MAGI3: variants seen among roughly 807,000 people sequenced by gnomAD.
MAGI3 encodes the protein membrane associated guanylate kinase, WW and PDZ domain containing 3.
A neutral mutation model predicts 121.8 loss-of-function variants in MAGI3; 43 were observed. The ratio of observed to expected loss-of-function variants is 0.35; its 90% CI spans 0.28 to 0.46. The LOEUF (loss-of-function observed/expected upper bound fraction) is 0.46. MAGI3 is among the 20% of genes least tolerant of loss of function. MAGI3 has a pLI of 1.00. For synonymous variants in MAGI3, 553 were observed against 639.3 expected (o/e 0.86, Z 2.04); for missense variants, 1,547 against 1,797.3 (o/e 0.86, Z 2.52).
intron 16 of MAGI3, among the ~76,000 whole-genome samples, chr1:113,666,779 A>G (rs1324578458): frequency 1.3e-5 from 2 of 152,240 alleles, no homozygotes; most frequent in East Asian, 3.8e-4. Context: ...CTATAGACTT[A>G]CCAAATATAT....
At chr1:113,494,105 G>T (rs770841688) in intron 1 of MAGI3, among the ~76,000 whole-genome samples, 4 of 152,194 alleles carry the variant, frequency 2.6e-5, no homozygotes, top group African/African-American at 9.6e-5. Flanking sequence ...ACAATAGTTC[G>T]CAAAGACATG....
At chr1:113,635,847 A>T (rs1045783729) in intron 9 of MAGI3, among the ~76,000 whole-genome samples, 1 of 151,382 alleles carries the variant, frequency 6.6e-6, no homozygotes, top group East Asian at 1.9e-4. Context: ...CTGTGAATCC[A>T]TCTGGTCCTG....
At chr1:113,494,929 T>C (rs1656845201) in intron 1 of MAGI3, among the ~76,000 whole-genome samples, 1 of 152,176 alleles carries the variant, frequency 6.6e-6, no homozygotes, top group South Asian at 2.1e-4. Context: ...CAATTCCAGA[T>C]CTATGCTAAT....
At chr1:113,621,985 T>C (rs1650846419) in intron 8 of MAGI3, among the ~76,000 whole-genome samples, 2 of 152,250 alleles carry the variant, frequency 1.3e-5, no homozygotes, top group South Asian at 2.1e-4. Context: ...TGACTGCTAA[T>C]GGGCATGGGG....
In MAGI3 at chr1:113,450,348, G is replaced by A. The variant is rs1654416254; in HGVS notation, c.316+58999G>A. 9.8e-6 allele frequency: 13 copies of A among 1,330,612 alleles called. 1 individual carries two copies. The South Asian group carries it at 1.5e-4, about 16-fold the overall frequency. The allele number at this position is 1,330,612 out of a possible 1,614,324, so 82.4% of individuals were successfully genotyped here. A position where few individuals can be genotyped will look rare whatever the true frequency, so the allele number is the denominator to read the frequency against. On this transcript the variant is annotated intron_variant, in intron 1 of 20. Coordinates refer to ENST00000307546, the MANE Select transcript of MAGI3 (RefSeq NM_001142782.2). ...GAGGTGGTGGAGGAGCTATGGTGGTGGAGGTGGTGGCAGCAGAGGTAGTTA... is the reference window on the plus strand; with the variant it reads ...GAGGTGGTGGAGGAGCTATGGTGGTAGAGGTGGTGGCAGCAGAGGTAGTTA...
intron 1 of MAGI3, among the ~76,000 whole-genome samples, chr1:113,507,058 T>C (rs1180647653): frequency 2.6e-5 from 4 of 152,136 alleles, no homozygotes. Flanking sequence ...CTCTGGAGCT[T>C]CTAAGTACAT....
intron 6 of MAGI3, among the ~76,000 whole-genome samples, chr1:113,612,400 G>C (rs757529970): frequency 1.3e-5 from 2 of 152,070 alleles, no homozygotes; most frequent in Admixed American, 6.6e-5. Flanking sequence ...TTGAAGTCAA[G>C]AACTGGGTTA....
chr1:113,579,197 C>T (rs115490565), intron 2 of MAGI3, among the ~76,000 whole-genome samples: 1,665 of 152,148 alleles, frequency 0.011, 28 homozygotes, highest in African/African-American at 0.038. Flanking sequence ...TGAATCAAAT[C>T]GACATGGTTT....
At chr1:113,449,360 G>GGTGTGTGTGTGTGTGT (rs71087199) in intron 1 of MAGI3, among the ~76,000 whole-genome samples, 6,122 of 147,188 alleles carry the variant, frequency 0.042, 162 homozygotes, top group Middle Eastern at 0.071. Context: ...TTACTTTTAT[G>GGTGTGTGTGTGTGTGT]GTGTGTGTGT....
rs1557757046 is a variant in MAGI3 at position 113,437,860 on chromosome 1, CTTCCTCTTCTTCTT to C, written c.316+46512_316+46525del. Among the ~76,000 whole-genome samples, 307 of 46,802 alleles carry C rather than the reference CTTCCTCTTCTTCTT, an allele frequency of 6.6e-3. 18 individuals carry two copies. Among genetic ancestry groups the C allele is most frequent in the Middle Eastern group, 0.016 (2 of 128 alleles). The allele number at this position is 46,802 out of a possible 152,430, so 30.7% of individuals were successfully genotyped here. On this transcript the variant is annotated intron_variant, in intron 1 of 20. Transcript: ENST00000307546. ...TCTTCTTCTTCTTCTTCTTCTTCTT[CTTCCTCTTCTTCTT>C]CTTCTCCTTCTCCTTCTCCTTCTCC...
intron 2 of MAGI3, among the ~76,000 whole-genome samples, chr1:113,551,104 TTACTC>T (rs762253110): frequency 2.6e-5 from 4 of 152,302 alleles, no homozygotes; most frequent in East Asian, 1.9e-4. Flanking sequence ...TTCAAAATCT[TTACTC>T]TAGCATCTTA....
intron 1 of MAGI3, among the ~76,000 whole-genome samples, chr1:113,512,899 C>T (rs1657691451): frequency 6.6e-6 from 1 of 152,142 alleles, no homozygotes; most frequent in South Asian, 2.1e-4. Flanking sequence ...CCCAAAATCT[C>T]CTTAAGCTGA....
chr1:113,578,717 G>T (rs553133234), intron 2 of MAGI3, among the ~76,000 whole-genome samples: 46 of 151,182 alleles, frequency 3.0e-4, no homozygotes, highest in Admixed American at 2.8e-3. Context: ...ATGTAGTTTT[G>T]GTCAATAATG....
intron 16 of MAGI3, among the ~76,000 whole-genome samples, chr1:113,660,977 T>C (rs1445183250): frequency 6.6e-6 from 1 of 152,078 alleles, no homozygotes; most frequent in Non-Finnish European, 1.5e-5. Flanking sequence ...ATGTTAGTTC[T>C]GAGGGCTTCT....
At chr1:113,487,323 T>C (rs1005591070) in intron 1 of MAGI3, among the ~76,000 whole-genome samples, 1 of 152,234 alleles carries the variant, frequency 6.6e-6, no homozygotes, top group South Asian at 2.1e-4. Context: ...ATAAGCTTCA[T>C]TGGATTGTAA....
rs540437639 is a variant in MAGI3 at position 113,550,093 on chromosome 1, G to T, written c.433+462G>T. Among the ~76,000 whole-genome samples, 3 of 147,710 alleles carry T rather than the reference G, an allele frequency of 2.0e-5. No homozygotes were observed. The East Asian group carries it at 6.0e-4, about 29-fold the overall frequency. On this transcript the variant is annotated intron_variant, in intron 2 of 20. Transcript: ENST00000307546. ...ATCATGCCACTGCACTCCAGCCTGG[G>T]TGACAGAGCGATACTCTGTCTAAAA...
At chr1:113,483,529 A>T (rs1025813214) in intron 1 of MAGI3, among the ~76,000 whole-genome samples, 1 of 152,194 alleles carries the variant, frequency 6.6e-6, no homozygotes, top group Non-Finnish European at 1.5e-5. Flanking sequence ...GCTGGTACTG[A>T]TTTTAAAGTT....
At chr1:113,532,913 T>C (rs1658793565) in intron 1 of MAGI3, among the ~76,000 whole-genome samples, 1 of 152,224 alleles carries the variant, frequency 6.6e-6, no homozygotes, top group African/African-American at 2.4e-5. Context: ...ACAGACTTTT[T>C]CCAACTGAAT....
intron 1 of MAGI3, among the ~76,000 whole-genome samples, chr1:113,480,953 C>G (rs1287884589): frequency 6.6e-6 from 1 of 152,154 alleles, no homozygotes; most frequent in Non-Finnish European, 1.5e-5. Flanking sequence ...TCAGAAGGAC[C>G]TGGTCCACAA....
Sources: gnomAD v4.1 joint callset for allele counts (sites outside exome capture counted in the v4.1 genomes callset) on GRCh38, gnomAD v4.1.1 for gene constraint, MANE v1.5 for transcripts, NCBI Gene and HGNC (gene_info 2026-07-23, HGNC 2026-07-21) for gene names.